ZNF385B: variants seen among roughly 807,000 people sequenced by gnomAD.
The protein encoded by ZNF385B is zinc finger protein 385B, also known as zinc finger protein 533.
ZNF385B carries 23 observed loss-of-function variants against 39.2 expected under a neutral mutation model. The ratio of observed to expected loss-of-function variants is 0.59; its 90% CI spans 0.42 to 0.83. The LOEUF is 0.83. Ranked by LOEUF, ZNF385B falls within the 40% of genes least tolerant of loss-of-function variation. ZNF385B has a pLI of 0.00. For missense variants in ZNF385B, 552 were observed against 598.9 expected, an observed-to-expected ratio of 0.92 and a Z score of 0.82; for synonymous variants, 205 against 222.6, an observed-to-expected ratio of 0.92 and a Z score of 0.70.
At chr2:179,666,135 A>C (rs567063757) in intron 3 of ZNF385B, among the ~76,000 whole-genome samples, 57 of 152,358 alleles carry the variant, frequency 3.7e-4, no homozygotes, top group African/African-American at 1.4e-3. Flanking sequence ...AAGCCCAAAA[A>C]GATTTTAAGA....
intron 3 of ZNF385B, among the ~76,000 whole-genome samples, chr2:179,691,090 G>GT (rs1698319889): frequency 6.6e-6 from 1 of 152,156 alleles, no homozygotes; most frequent in Middle Eastern, 3.4e-3. Flanking sequence ...GAACTGTTTT[G>GT]TTTTTTCTTT....
chr2:179,762,502 T>G (rs1703463074), intron 3 of ZNF385B, among the ~76,000 whole-genome samples: 1 of 152,176 alleles, frequency 6.6e-6, no homozygotes, highest in South Asian at 2.1e-4. Context: ...GGTAGATTAT[T>G]AATTTTTAAA....
chr2:179,594,141 T>C (rs1304116399), intron 3 of ZNF385B, among the ~76,000 whole-genome samples: 2 of 152,228 alleles, frequency 1.3e-5, no homozygotes, highest in Non-Finnish European at 2.9e-5. Context: ...TTATTTGTTT[T>C]CAGCTTGTTT....
At chr2:179,538,519 T>A (rs559964258) in intron 4 of ZNF385B, among the ~76,000 whole-genome samples, 3 of 152,192 alleles carry the variant, frequency 2.0e-5, no homozygotes, top group Admixed American at 6.5e-5. Context: ...AAAAAATTTT[T>A]AAAAAATATT....
chr2:179,825,683 T>C (rs952050785), intron 1 of ZNF385B, among the ~76,000 whole-genome samples: 2 of 152,176 alleles, frequency 1.3e-5, no homozygotes, highest in Non-Finnish European at 2.9e-5. Flanking sequence ...CCCCACAAGA[T>C]GACTCACCAA....
chr2:179,813,590 G>A (rs1268017442), intron 1 of ZNF385B, among the ~76,000 whole-genome samples: 1 of 152,132 alleles, frequency 6.6e-6, no homozygotes, highest in African/African-American at 2.4e-5. Context: ...AAAAATAAAT[G>A]ACTACTGTAA....
chr2:179,853,804 T>C (rs563853366), intron 1 of ZNF385B, among the ~76,000 whole-genome samples: 27 of 152,306 alleles, frequency 1.8e-4, no homozygotes, highest in Middle Eastern at 3.4e-3. Flanking sequence ...TCATTATATC[T>C]CTCAGACTTG....
chr2:179,858,063 G>T (rs1247189875), intron 1 of ZNF385B, among the ~76,000 whole-genome samples: 1 of 152,098 alleles, frequency 6.6e-6, no homozygotes. Context: ...GAAATGAATT[G>T]GGAGAGAATG....
intron 1 of ZNF385B, among the ~76,000 whole-genome samples, chr2:179,835,619 C>T (rs1231284892): frequency 3.9e-5 from 6 of 152,090 alleles, no homozygotes; most frequent in Admixed American, 1.3e-4. Context: ...GTTCTCAATT[C>T]CTACCTCTTC....
At chr2:179,763,150 C>T (rs569404624) in intron 3 of ZNF385B, among the ~76,000 whole-genome samples, 1 of 152,242 alleles carries the variant, frequency 6.6e-6, no homozygotes, top group South Asian at 2.1e-4. Flanking sequence ...GTGATCTGCC[C>T]ACCTCAGCCT....
chr2:179,454,098 G>A (rs1376289229), intron 6 of ZNF385B, among the ~76,000 whole-genome samples: 1 of 152,152 alleles, frequency 6.6e-6, no homozygotes, highest in Non-Finnish European at 1.5e-5. Context: ...TTGGATAAGA[G>A]CCTAAAGTTT....
At chr2:179,618,637 G>A (rs777726680) in intron 3 of ZNF385B, among the ~76,000 whole-genome samples, 3 of 152,136 alleles carry the variant, frequency 2.0e-5, no homozygotes, top group Non-Finnish European at 2.9e-5. Context: ...GAGAATCAAA[G>A]CTAATGATAG....
chr2:179,723,544 A>G (rs140027941), intron 3 of ZNF385B, among the ~76,000 whole-genome samples: 1 of 152,324 alleles, frequency 6.6e-6, no homozygotes, highest in African/African-American at 2.4e-5. Context: ...ATCAAAAAGT[A>G]TGAATCTTAA....
chr2:179,640,647 T>C (rs914486872), intron 3 of ZNF385B, among the ~76,000 whole-genome samples: 4 of 151,994 alleles, frequency 2.6e-5, no homozygotes, highest in African/African-American at 7.2e-5. Context: ...AATTTGAAAA[T>C]GATGATCAGC....
In ZNF385B at chr2:179,466,943, A is replaced by AAG. The variant is rs1553560224; in HGVS notation, c.715+16327_715+16328dup. ...AAAAAAAAAAAAAAAAAAAAAAAAA[A>AAG]AGAGAGAGAGAAAGGGAAGGGAAGG... On this transcript the variant is annotated intron_variant, in intron 6 of 9. Transcript: ENST00000410066. Among the ~76,000 whole-genome samples the AAG allele has an allele frequency of 1.9e-3, 276 of 145,988 alleles. 1 individual carries two copies. Among genetic ancestry groups the AAG allele is most frequent in the Middle Eastern group, 7.3e-3 (2 of 274 alleles).
At chr2:179,670,498 A>C (rs13401543) in intron 3 of ZNF385B, among the ~76,000 whole-genome samples, 3 of 117,356 alleles carry the variant, frequency 2.6e-5, no homozygotes, top group East Asian at 5.4e-4. Flanking sequence ...AACAAACAAA[A>C]AAAAATAGGA....
At chr2:179,480,657 T>C (rs2053890924) in intron 6 of ZNF385B, among the ~76,000 whole-genome samples, 1 of 152,086 alleles carries the variant, frequency 6.6e-6, no homozygotes, top group South Asian at 2.1e-4. Context: ...ATATGGTTGA[T>C]GGTGACAAAA....
chr2:179,753,629 T>G (rs1182615595), intron 3 of ZNF385B, among the ~76,000 whole-genome samples: 1 of 152,198 alleles, frequency 6.6e-6, no homozygotes, highest in Admixed American at 6.5e-5. Context: ...TGGTTTGTAG[T>G]TCTCCTTGAA....
chr2:179,542,552 C>A (rs889983759), intron 4 of ZNF385B, among the ~76,000 whole-genome samples: 1 of 152,056 alleles, frequency 6.6e-6, no homozygotes, highest in Non-Finnish European at 1.5e-5. Flanking sequence ...ATCAAACAAA[C>A]CAAATGACAT....
Sources: gnomAD v4.1 joint callset for allele counts (sites outside exome capture counted in the v4.1 genomes callset) on GRCh38, gnomAD v4.1.1 for gene constraint, MANE v1.5 for transcripts, NCBI Gene and HGNC (gene_info 2026-07-23, HGNC 2026-07-21) for gene names.